The following DTNA variants were observed in gnomAD, a reference collection of about 807,000 sequenced individuals.
The protein encoded by DTNA is dystrobrevin alpha, also known as dystrophin-related protein 3.
In DTNA, 43 loss-of-function variants were observed where a neutral mutation model predicts 100.7. The ratio of observed to expected loss-of-function variants is 0.43; its 90% confidence interval spans 0.33 to 0.55. DTNA has a LOEUF of 0.55. DTNA is among the 20% of genes least tolerant of loss of function. DTNA has a pLI of 0.04. For synonymous variants in DTNA, 349 were observed against 347.9 expected (o/e 1.00, Z -0.04); for missense variants, 798 against 953.9 (o/e 0.84, Z 2.15).
At chr18:34,777,401 C>T (rs1299133844) in intron 3 of DTNA, among the ~76,000 whole-genome samples, 1 of 152,150 alleles carries the variant, frequency 6.6e-6, no homozygotes, top group Non-Finnish European at 1.5e-5. Flanking sequence ...GGAGGTCTAC[C>T]TAGTGTGTTG....
At chr18:34,878,847 G>C (rs1248041633) in intron 19 of DTNA, among the ~76,000 whole-genome samples, 1 of 151,864 alleles carries the variant, frequency 6.6e-6, no homozygotes, top group African/African-American at 2.4e-5. Context: ...GATTTGTCTG[G>C]CAAGACTATG....
intron 1 of DTNA, among the ~76,000 whole-genome samples, chr18:34,665,465 C>T (rs2075786284): frequency 6.6e-6 from 1 of 152,172 alleles, no homozygotes; most frequent in Admixed American, 6.5e-5. Context: ...GGTACATGTG[C>T]ACAATGTGCA....
At chr18:34,816,535 A>C (rs1177866510) in intron 7 of DTNA, among the ~76,000 whole-genome samples, 1 of 152,174 alleles carries the variant, frequency 6.6e-6, no homozygotes, top group Non-Finnish European at 1.5e-5. Context: ...TTTTTAAAGC[A>C]AGTATTTCTA....
chr18:34,544,644 C>A (rs1042225219), intron 1 of DTNA, among the ~76,000 whole-genome samples: 6 of 151,976 alleles, frequency 3.9e-5, no homozygotes, highest in African/African-American at 1.4e-4. Context: ...AGGAAATTAT[C>A]TTTTTGAAAA....
intron 1 of DTNA, among the ~76,000 whole-genome samples, chr18:34,752,898 G>T (rs568964839): frequency 6.6e-6 from 1 of 152,188 alleles, no homozygotes; most frequent in South Asian, 2.1e-4. Flanking sequence ...AAAATGTATG[G>T]TCCTAGATTA....
chr18:34,843,406 C>T (rs2096310026), intron 13 of DTNA, among the ~76,000 whole-genome samples: 1 of 151,784 alleles, frequency 6.6e-6, no homozygotes, highest in Admixed American at 6.6e-5. Flanking sequence ...TATTAGTTTG[C>T]TAAGAATGCC....
intron 1 of DTNA, among the ~76,000 whole-genome samples, chr18:34,711,559 G>A (rs548360841): frequency 2.1e-3 from 325 of 152,142 alleles, no homozygotes; most frequent in African/African-American, 7.7e-3. Context: ...AAATCTTTTT[G>A]AAAAATACTT....
At chr18:34,760,374 A>G (rs2093064159) in intron 2 of DTNA, among the ~76,000 whole-genome samples, 1 of 152,116 alleles carries the variant, frequency 6.6e-6, no homozygotes, top group Admixed American at 6.5e-5. Context: ...CTTCTTGACC[A>G]GTTGTCTCCA....
chr18:34,537,470 C>A (rs2043827746), intron 1 of DTNA, among the ~76,000 whole-genome samples: 1 of 151,180 alleles, frequency 6.6e-6, no homozygotes, highest in South Asian at 2.1e-4. Context: ...AATTGTAGTG[C>A]ATTAAAATAC....
chr18:34,507,409 A>C (rs2040598071), intron 1 of DTNA, among the ~76,000 whole-genome samples: 1 of 152,228 alleles, frequency 6.6e-6, no homozygotes, highest in African/African-American at 2.4e-5. Flanking sequence ...ACCTCCTAGA[A>C]ATTATTATTA....
intron 1 of DTNA, among the ~76,000 whole-genome samples, chr18:34,695,710 C>T (rs1261879358): frequency 2.6e-5 from 4 of 152,168 alleles, no homozygotes; most frequent in Admixed American, 2.6e-4. Context: ...TCTCTATGGT[C>T]TGATAGGAGT....
At chr18:34,743,085 A>T (rs914776112) in intron 1 of DTNA, among the ~76,000 whole-genome samples, 1 of 152,164 alleles carries the variant, frequency 6.6e-6, no homozygotes, top group Non-Finnish European at 1.5e-5. Flanking sequence ...CTTCAATGGA[A>T]GGGACATAAT....
intron 1 of DTNA, among the ~76,000 whole-genome samples, chr18:34,507,627 A>T (rs961109410): frequency 1.3e-4 from 20 of 152,158 alleles, no homozygotes; most frequent in African/African-American, 4.1e-4. Flanking sequence ...AAATCAAGTT[A>T]TTGACATTGT....
At position 34,838,775 on chromosome 18, in the gene DTNA, G is replaced by C; in HGVS notation, c.1284G>C (p.Arg428Ser). 1.2e-6 allele frequency: 2 copies of C among 1,613,756 alleles called. No homozygotes were observed. The highest frequency in any genetic ancestry group is 8.5e-7 in the Non-Finnish European group (1 of 1,179,790). Residue 428 changes from arginine (R) to serine (S), a missense_variant, in exon 13 of 23, where the codon AGG (arginine) becomes AGC (serine). Arg to Ser is a moderately radical substitution (Grantham distance 110). Transcript: ENST00000444659. ...GIQYSLNVAD[R>S]LADEHVLIGL... ...AGTACAGCCTGAATGTGGCAGACAG[G>C]CTAGCTGATGAACATGTTCTCATCG...
intron 1 of DTNA, among the ~76,000 whole-genome samples, chr18:34,631,928 G>T (rs2058124833): frequency 6.6e-6 from 1 of 152,126 alleles, no homozygotes; most frequent in Admixed American, 6.5e-5. Flanking sequence ...TCTATCGGGA[G>T]TTTCACAATT....
chr18:34,811,303 T>C (rs1185103662), intron 5 of DTNA, among the ~76,000 whole-genome samples: 1 of 152,200 alleles, frequency 6.6e-6, no homozygotes, highest in African/African-American at 2.4e-5. Flanking sequence ...CTTTACCTCA[T>C]TGATCATCCA....
At chr18:34,570,730 C>G (rs568919520) in intron 1 of DTNA, among the ~76,000 whole-genome samples, 15 of 152,114 alleles carry the variant, frequency 9.9e-5, no homozygotes, top group Non-Finnish European at 1.8e-4. Context: ...TTTTTAAAGA[C>G]CTGCGGGTAA....
chr18:34,887,729 G>A, intron 22 of DTNA, 37 bp from the exon 23 acceptor site: 1 of 985,342 alleles, frequency 1.0e-6, no homozygotes, highest in Non-Finnish European at 1.2e-6. Context: ...GAAACAATTT[G>A]CATCTTTAAA....
At chr18:34,587,480 C>A (rs1419602984) in intron 1 of DTNA, among the ~76,000 whole-genome samples, 1 of 150,634 alleles carries the variant, frequency 6.6e-6, no homozygotes, top group Non-Finnish European at 1.5e-5. Context: ...TAATTAAAAT[C>A]TGCTTTGAAA....
Sources: gnomAD v4.1 joint callset for allele counts (sites outside exome capture counted in the v4.1 genomes callset) on GRCh38, gnomAD v4.1.1 for gene constraint, MANE v1.5 for transcripts, NCBI Gene and HGNC (gene_info 2026-07-23, HGNC 2026-07-21) for gene names.